Variants in LINGO1 observed in about 807,000 individuals in gnomAD.
LINGO1 encodes leucine-rich repeat and immunoglobulin-like domain-containing nogo receptor-interacting protein 1.
In LINGO1, 11 loss-of-function variants were observed where a neutral mutation model predicts 37.3. The ratio of observed to expected loss-of-function variants is 0.29; its 90% CI spans 0.19 to 0.49. The LOEUF (loss-of-function observed/expected upper bound fraction) is 0.49, where lower values mean the gene tolerates loss of function less well. Among genes scored for constraint, LINGO1 ranks in the 20% least tolerant of loss-of-function variants. LINGO1 has a pLI of 0.99. For missense variants in LINGO1, 585 were observed against 878.2 expected (o/e 0.67, Z 4.22); for synonymous variants, 387 against 403.0 (o/e 0.96, Z 0.48).
chr15:77,667,878 A>T (rs1193080808), intron 3 of LINGO1: 1 of 152,268 alleles, frequency 6.6e-6, no homozygotes, highest in African/African-American at 2.4e-5. Context: ...AGCTGGATTC[A>T]TTCATGAAAC....
intron 2 of LINGO1, among the ~76,000 whole-genome samples, chr15:77,726,052 G>A (rs993181762): frequency 2.0e-5 from 3 of 152,206 alleles, no homozygotes; most frequent in Non-Finnish European, 4.4e-5. Flanking sequence ...GCCTCTCACT[G>A]GCAAATGTGG....
At chr15:77,740,845 G>A (rs2076256061) in intron 1 of LINGO1, among the ~76,000 whole-genome samples, 1 of 152,230 alleles carries the variant, frequency 6.6e-6, no homozygotes, top group South Asian at 2.1e-4. Flanking sequence ...AGGCCAGGAG[G>A]AGAAGGAGAA....
rs768401512 is a variant in LINGO1 at position 77,614,369 on chromosome 15, T to C, written c.1538A>G (p.His513Arg). ...CCAGTCGGGCGAGTAGCTGCGCACA[T>C]GCAGGTGGGCGGGCATGGAGTCGTT... ...GGNDSMPAHL[H>R]VRSYSPDWPH... is the part of the protein sequence containing the mutation. Residue 513 changes from histidine to arginine, a missense_variant, in exon 2 of 2, where the codon CAT becomes CGT. By Grantham distance (29) the His-to-Arg change is conservative (BLOSUM62 0). Around this residue, in one of 4 missense-constraint regions of LINGO1, gnomAD observed 484 missense variants for 735.0 expected, o/e 0.66. Transcript: ENST00000355300. 2 of 1,613,654 alleles carry C rather than the reference T, an allele frequency of 1.2e-6. No homozygotes were observed. The highest frequency in any genetic ancestry group is 1.7e-6 in the Non-Finnish European group (2 of 1,179,868).
chr15:77,697,542 C>T (rs1184252491), upstream of LINGO1, among the ~76,000 whole-genome samples: 1 of 152,228 alleles, frequency 6.6e-6, no homozygotes, highest in Non-Finnish European at 1.5e-5. Context: ...AGAGTTCCCA[C>T]AGCCTGGGGG....
At chr15:77,818,604 G>C (rs538911312) in intron 1 of LINGO1, among the ~76,000 whole-genome samples, 1 of 152,138 alleles carries the variant, frequency 6.6e-6, no homozygotes, top group Non-Finnish European at 1.5e-5. Flanking sequence ...CCGTCCTGAG[G>C]AGCAGAAGGC....
At chr15:77,683,775 G>A (rs2075456390) in intron 2 of LINGO1, among the ~76,000 whole-genome samples, 1 of 151,744 alleles carries the variant, frequency 6.6e-6, no homozygotes. Context: ...CTACTTTACA[G>A]GACACACTTC....
In LINGO1 at chr15:77,751,521, T is replaced by C. The variant is rs527502344; in HGVS notation, c.-256-16468A>G. Among the ~76,000 whole-genome samples, 24 of 152,206 alleles carry C rather than the reference T, an allele frequency of 1.6e-4. No homozygotes were observed. In the South Asian group the frequency reaches 5.0e-3, roughly 32 times the overall value. Reference sequence around the variant, plus strand: ...CTGGGAAGAACACAGTGAAAGCCTATGGGGTAGGGGGGACACAGAGAAAGA... The same window carrying C: ...CTGGGAAGAACACAGTGAAAGCCTACGGGGTAGGGGGGACACAGAGAAAGA... On this transcript the variant is annotated intron_variant, in intron 1 of 3. Transcript: ENST00000561686.
rs180908784 is a variant in LINGO1, at chr15:77,819,017, G to C, written c.-458+1241C>G. On this transcript the variant is annotated intron_variant, in intron 1 of 5. Coordinates refer to the LINGO1 transcript ENST00000562933. The stretch of plus-strand genomic sequence containing the variant: ...GGGCTCCACAAACTTGCTGCAAGTC[G>C]TCGGGGCTGCAGCTGCAGGTAAGGG... Among the ~76,000 whole-genome samples, 8 of 151,538 alleles carry C rather than the reference G, an allele frequency of 5.3e-5. No individual in the cohort carries two copies. The South Asian group carries it at 1.5e-3, about 28-fold the overall frequency.
intron 1 of LINGO1, among the ~76,000 whole-genome samples, chr15:77,763,109 G>T (rs532102277): frequency 6.6e-6 from 1 of 152,190 alleles, no homozygotes; most frequent in African/African-American, 2.4e-5. Context: ...TAATTAAGAC[G>T]GGATGTTTGA....
intron 3 of LINGO1, among the ~76,000 whole-genome samples, chr15:77,671,573 CCCAGCTTTAGA>C (rs1370273153): frequency 6.6e-6 from 1 of 152,206 alleles, no homozygotes; most frequent in Non-Finnish European, 1.5e-5. Flanking sequence ...GGAGAGAGGC[CCCAGCTTTAGA>C]CCAGCGGTCC....
chr15:77,796,398 G>A (rs964988419), intron 1 of LINGO1, among the ~76,000 whole-genome samples: 1 of 152,234 alleles, frequency 6.6e-6, no homozygotes, highest in Middle Eastern at 3.2e-3. Flanking sequence ...GCTGGAGTCT[G>A]ACTATGCCTC....
intron 1 of LINGO1, among the ~76,000 whole-genome samples, chr15:77,817,068 C>T (rs992618183): frequency 2.6e-5 from 4 of 152,288 alleles, no homozygotes; most frequent in East Asian, 1.9e-4. Flanking sequence ...AGAGAGAGGC[C>T]GCCCGGGACG....
At chr15:77,644,647 C>T (rs541804162) in intron 3 of LINGO1, among the ~76,000 whole-genome samples, 25 of 152,294 alleles carry the variant, frequency 1.6e-4, no homozygotes, top group Admixed American at 7.8e-4. Flanking sequence ...AGGCTGAGCC[C>T]GGGTCAGCCT....
At position 77,614,016 on chromosome 15, in the gene LINGO1, C is replaced by T. The variant is rs76898980; in HGVS notation, c.*28G>A. ...CAGGCCCCTTCCCCTGCCCGGCCGC[C>T]CGGGGGTCCCTGCCCCCCGCCCCGG... On this transcript the variant is annotated 3_prime_UTR_variant, in exon 2 of 2. Transcript: ENST00000355300. The T allele has an allele frequency of 3.2e-3, 4,873 of 1,538,106 alleles. 122 individuals carry two copies. The African/African-American group carries it at 0.054, about 17-fold the overall frequency.
chr15:77,698,058 A>G (rs569237545), upstream of LINGO1, among the ~76,000 whole-genome samples: 13 of 152,298 alleles, frequency 8.5e-5, no homozygotes, highest in African/African-American at 3.1e-4. Context: ...GATGGATTTC[A>G]GGCAGGCGGA....
chr15:77,690,824 G>C (rs2075590450), exon 2 of LINGO1: 1 of 152,348 alleles, frequency 6.6e-6, no homozygotes, highest in African/African-American at 2.4e-5. Flanking sequence ...GCTGGATAGA[G>C]TCAGAGCCCT....
At chr15:77,677,380 A>G (rs2075345701) in intron 2 of LINGO1, among the ~76,000 whole-genome samples, 2 of 151,968 alleles carry the variant, frequency 1.3e-5, no homozygotes, top group Non-Finnish European at 1.5e-5. Flanking sequence ...CCCTTAATGG[A>G]TCACACCCTC....
chr15:77,665,616 C>T (rs1275270252), intron 3 of LINGO1, among the ~76,000 whole-genome samples: 2 of 152,212 alleles, frequency 1.3e-5, no homozygotes, highest in Non-Finnish European at 2.9e-5. Flanking sequence ...TATCCTTTGT[C>T]CTCACACATC....
chr15:77,712,107 C>G (rs760409135), intron 2 of LINGO1, among the ~76,000 whole-genome samples: 6 of 152,200 alleles, frequency 3.9e-5, no homozygotes, highest in African/African-American at 9.6e-5. Context: ...TCCTGCCCTG[C>G]ACCTCAACCC....
Sources: gnomAD v4.1 joint callset for allele counts (sites outside exome capture counted in the v4.1 genomes callset) on GRCh38, gnomAD v4.1.1 for gene constraint, gnomAD v4.1.1 regional missense constraint, MANE v1.5 for transcripts, NCBI Gene and HGNC (gene_info 2026-07-23, HGNC 2026-07-21) for gene names.